The following NF1 variants were observed in gnomAD, a reference collection of about 807,000 sequenced individuals.
NF1 encodes neurofibromin 1.
Under a neutral mutation model 325.7 loss-of-function variants are expected in NF1, and 122 were observed. The ratio of observed to expected loss-of-function variants is 0.37; its 90% CI spans 0.32 to 0.44. The LOEUF (loss-of-function observed/expected upper bound fraction) is 0.44. Ranked by LOEUF, NF1 falls within the 20% of genes least tolerant of loss-of-function variation. NF1 has a pLI of 1.00. For synonymous variants in NF1, 1,091 were observed against 1,186.0 expected, an observed-to-expected ratio of 0.92 and a Z score of 1.65; for missense variants, 2,140 against 3,415.4, an observed-to-expected ratio of 0.63 and a Z score of 9.31.
At chr17:31,147,518 G>A (rs1353840179) in intron 1 of NF1, among the ~76,000 whole-genome samples, 1 of 152,128 alleles carries the variant, frequency 6.6e-6, no homozygotes, top group African/African-American at 2.4e-5. Flanking sequence ...TGTTGTGCAT[G>A]TCTTTTGGTG....
rs2067622976 is a variant in NF1, at chr17:31,258,437, G to A, written c.4267G>A (p.Glu1423Lys). ...CAATCCTGCCATTGTCTCACCGTAT[G>A]AAGCAGGGATTTTAGATAAAAAGCC... ...FINPAIVSPY[E>K]AGILDKKPPP... Residue 1423 changes from glutamate to lysine, a missense_variant, in exon 32 of 58, where the codon GAA becomes AAA. Around this residue, in one of 10 missense-constraint regions of NF1, gnomAD observed 336 missense variants for 399.0 expected, o/e 0.84. Transcript: ENST00000358273. 2.5e-6 allele frequency: 4 copies of A among 1,613,964 alleles called. No individual in the cohort carries two copies. Among genetic ancestry groups the A allele is most frequent in the Non-Finnish European group, 3.4e-6 (4 of 1,179,922 alleles).
chr17:31,212,153 T>C (rs1477256826), intron 12 of NF1, among the ~76,000 whole-genome samples: 1 of 152,222 alleles, frequency 6.6e-6, no homozygotes, highest in African/African-American at 2.4e-5. Flanking sequence ...ATTTTAATTT[T>C]TATTTTGAAA....
chr17:31,163,413 T>G (rs1324096133), intron 4 of NF1, 37 bp downstream of exon 4: 1 of 1,588,662 alleles, frequency 6.3e-7, no homozygotes, highest in African/African-American at 1.3e-5. Flanking sequence ...ACTGAAGTAA[T>G]ATGAATATTA....
Position 31,135,077 on chromosome 17 carries a change from A to G in NF1, c.61-20906A>G, listed in dbSNP as rs9908202. Among the ~76,000 whole-genome samples, 1,163 of 152,304 alleles carry G rather than the reference A, an allele frequency of 7.6e-3. 19 individuals are homozygous for G. Among genetic ancestry groups the G allele is most frequent in the African/African-American group, 0.027 (1,119 of 41,574 alleles). On this transcript the variant is annotated intron_variant, in intron 1 of 57. Coordinates refer to ENST00000358273, the MANE Select transcript of NF1 (RefSeq NM_001042492.3). ...CCAAGTTCTTGAGTGTGATTTTTAC[A>G]TAGGAGTTTGATCAAGTTTATTAAG...
intron 36 of NF1, among the ~76,000 whole-genome samples, chr17:31,298,019 G>A (rs1437781265): frequency 6.6e-6 from 1 of 151,840 alleles, no homozygotes; most frequent in East Asian, 1.9e-4. Context: ...ATGCAACCTT[G>A]GGTGGTAAGT....
At chr17:31,213,325 T>A (rs1477388782) in intron 12 of NF1, among the ~76,000 whole-genome samples, 4 of 152,240 alleles carry the variant, frequency 2.6e-5, no homozygotes, top group Non-Finnish European at 5.9e-5. Context: ...TGAGTATAAA[T>A]GTGTGCATTA....
At position 31,325,997 on chromosome 17, in the gene NF1, C is replaced by T. The variant is rs1060500255; in HGVS notation, c.5013C>T (p.Tyr1671=). ...KWFVVFPGFA[Y]DNVSAVYIYN... The stretch of plus-strand genomic sequence containing the variant: ...TTGTTGTTTTTCCTGGCTTTGCTTA[C>T]GACAACGTCTCCGCAGTCTATATCT... The change falls in exon 37 of 58, where the codon TAC becomes TAT. Residue 1671 remains tyrosine, a synonymous_variant. Transcript: ENST00000358273. 6.2e-7 allele frequency: 1 copy of T among 1,614,190 alleles called. No homozygotes were observed. Among genetic ancestry groups the T allele is most frequent in the Non-Finnish European group, 8.5e-7 (1 of 1,180,038 alleles).
intron 57 of NF1, chr17:31,361,040 C>G: frequency 4.0e-6 from 1 of 247,530 alleles, no homozygotes; most frequent in Non-Finnish European, 7.7e-6. Flanking sequence ...TAACATTGCC[C>G]TAAGGGCCTC....
chr17:31,323,918 A>G (rs534773633), intron 36 of NF1, among the ~76,000 whole-genome samples: 1 of 152,140 alleles, frequency 6.6e-6, no homozygotes, highest in Non-Finnish European at 1.5e-5. Context: ...CATATCTTCT[A>G]TCTTGAAATA....
intron 36 of NF1, chr17:31,321,478 G>T (rs1052985292): frequency 6.6e-6 from 1 of 152,108 alleles, no homozygotes; most frequent in East Asian, 1.9e-4. Context: ...AAGAAAAGCC[G>T]TATATATATG....
chr17:31,335,274 T>TTATATACATATATA (rs1325370174), intron 40 of NF1, among the ~76,000 whole-genome samples: 131 of 6,638 alleles, frequency 0.02, no homozygotes, highest in Middle Eastern at 0.2. Context: ...CAAGGCATAA[T>TTATATACATATATA]TATATATATA....
At chr17:31,170,644 G>C (rs991077475) in intron 5 of NF1, among the ~76,000 whole-genome samples, 3 of 152,088 alleles carry the variant, frequency 2.0e-5, no homozygotes, top group African/African-American at 7.2e-5. Context: ...TGAAATAAAC[G>C]ATCAGAAGGA....
At chr17:31,214,381 T>C in intron 12 of NF1, 70 bp from the exon 13 acceptor site, 1 of 1,242,932 alleles carries the variant, frequency 8.0e-7, no homozygotes, top group South Asian at 1.3e-5. Context: ...ATAATAAATT[T>C]CTTTTAAAAG....
At chr17:31,173,075 G>A (rs1439539496) in intron 5 of NF1, among the ~76,000 whole-genome samples, 1 of 151,760 alleles carries the variant, frequency 6.6e-6, no homozygotes, top group African/African-American at 2.4e-5. Flanking sequence ...GAGGTTAGGA[G>A]TTCGAGACCA....
chr17:31,301,565 A>G (rs2068574630), intron 36 of NF1, among the ~76,000 whole-genome samples: 1 of 152,156 alleles, frequency 6.6e-6, no homozygotes, highest in South Asian at 2.1e-4. Context: ...ACCCTCATCT[A>G]ATTCATTTGT....
chr17:31,353,508 C>G (rs12943365), intron 51 of NF1, among the ~76,000 whole-genome samples: 97,840 of 151,928 alleles, frequency 0.64, 32,208 homozygotes, highest in African/African-American at 0.76. Flanking sequence ...ACGAGCACCT[C>G]TAGTCCCAGC....
intron 36 of NF1, among the ~76,000 whole-genome samples, chr17:31,311,934 A>G (rs2068886960): frequency 6.6e-6 from 1 of 152,204 alleles, no homozygotes. Context: ...TCTTAGATAA[A>G]GGGTAGGAAA....
chr17:31,313,720 ATATGTGTGTG>A (rs769566217), intron 36 of NF1, among the ~76,000 whole-genome samples: 2 of 101,186 alleles, frequency 2.0e-5, no homozygotes, highest in African/African-American at 7.5e-5. Flanking sequence ...AAAAAAAAAA[ATATGTGTGTG>A]TGTGTGTGTG....
At chr17:31,236,872 A>T (rs1434272029) in intron 29 of NF1, among the ~76,000 whole-genome samples, 1 of 152,118 alleles carries the variant, frequency 6.6e-6, no homozygotes, top group African/African-American at 2.4e-5. Flanking sequence ...AATTGTGACG[A>T]TTTATGAGTT....
Sources: allele counts gnomAD v4.1 joint callset (sites outside exome capture counted in the v4.1 genomes callset), GRCh38; gene constraint gnomAD v4.1.1; regional missense constraint gnomAD v4.1.1; transcripts MANE v1.5; gene names NCBI Gene and HGNC (gene_info 2026-07-23, HGNC 2026-07-21).